TAS1R2: variants seen among roughly 807,000 people sequenced by gnomAD.
TAS1R2 encodes taste receptor type 1 member 2.
Under a neutral mutation model 49.3 loss-of-function variants are expected in TAS1R2, and 47 were observed. The observed-to-expected ratio is 0.95, with a 90% confidence interval of 0.75 to 1.22. The LOEUF is 1.22. Ranked by LOEUF, TAS1R2 falls within the 50% of genes most tolerant of loss-of-function variation. The probability of loss-of-function intolerance (pLI) is 0.00; values close to 1 mark genes in which losing one functional copy is unlikely to be tolerated. For missense variants in TAS1R2, 1,155 were observed against 1,122.1 expected (o/e 1.03, Z -0.42); for synonymous variants, 479 against 467.9 (o/e 1.02, Z -0.31).
intron 3 of TAS1R2, among the ~76,000 whole-genome samples, chr1:18,851,476 C>T (rs1262988459): frequency 1.3e-5 from 2 of 152,088 alleles, no homozygotes; most frequent in Non-Finnish European, 2.9e-5. Context: ...ATTACAGACG[C>T]CCTCCACTAT....
chr1:18,852,858 C>G (rs1486708164), intron 3 of TAS1R2, among the ~76,000 whole-genome samples: 3 of 152,254 alleles, frequency 2.0e-5, no homozygotes, highest in African/African-American at 7.2e-5. Flanking sequence ...TGACTTCTTG[C>G]TGCACTTGGC....
chr1:18,859,092 C>T (rs951946795), intron 1 of TAS1R2, among the ~76,000 whole-genome samples: 2 of 152,186 alleles, frequency 1.3e-5, no homozygotes, highest in African/African-American at 4.8e-5. Context: ...AGAAAAATCA[C>T]ATTCTGCCTC....
chr1:18,841,695 G>C (rs987119290), intron 5 of TAS1R2, 34 bp downstream of exon 5: 1 of 1,598,724 alleles, frequency 6.3e-7, no homozygotes, highest in South Asian at 1.1e-5. Flanking sequence ...GCAGGGCAGG[G>C]GCAGGGCAGG....
exon 1 of TAS1R2, chr1:18,859,518 A>G (rs986202757): frequency 2.5e-6 from 4 of 1,614,070 alleles, no homozygotes; most frequent in South Asian, 1.1e-5. Context: ...AAGGTGAACA[A>G]TGCCCTTCAT....
At chr1:18,850,367 C>T (rs1189292515) in intron 3 of TAS1R2, among the ~76,000 whole-genome samples, 1 of 152,248 alleles carries the variant, frequency 6.6e-6, no homozygotes, top group Non-Finnish European at 1.5e-5. Flanking sequence ...CTTTAGGGCT[C>T]ACCTGGCCTC....
At chr1:18,841,700 G>A (rs911078419) in intron 5 of TAS1R2, 29 bp downstream of exon 5, 2 of 1,603,366 alleles carry the variant, frequency 1.2e-6, no homozygotes, top group African/African-American at 2.7e-5. Context: ...GCAGGGGCAG[G>A]GCAGGAGTGC....
At chr1:18,857,770 C>T (rs1569682238) in intron 1 of TAS1R2, 139 bp from the exon 2 acceptor site, 1 of 899,804 alleles carries the variant, frequency 1.1e-6, no homozygotes. Context: ...AAGACTCGGG[C>T]ATTTTCACCA....
Position 18,840,615 on chromosome 1 carries a change from G to A in TAS1R2, c.1592-88C>T, listed in dbSNP as rs558734065. ...GCCCTGCACAGGGCCAGGCTCCAGGGATGAAGAGAGAGCACCAAGGGCAAC... is the reference window on the plus strand; with the variant it reads ...GCCCTGCACAGGGCCAGGCTCCAGGAATGAAGAGAGAGCACCAAGGGCAAC... On this transcript the variant is annotated intron_variant, in intron 5 of 5. Transcript: ENST00000375371. 7.8e-6 allele frequency: 11 copies of A among 1,412,238 alleles called. No individual in the cohort carries two copies. The South Asian group carries it at 1.2e-4, about 16-fold the overall frequency. 87.5% of individuals were successfully genotyped at this position (1,412,238 alleles called of 1,614,324 possible).
intron 2 of TAS1R2, 22 bp from the exon 3 acceptor site, chr1:18,855,008 C>G: frequency 6.3e-7 from 1 of 1,591,606 alleles, no homozygotes; most frequent in South Asian, 1.1e-5. Context: ...AGGGCTGTGG[C>G]ATGAGCGAGT....
At chr1:18,841,961 T>A in intron 4 of TAS1R2, 109 bp from the exon 5 acceptor site, 3 of 1,217,476 alleles carry the variant, frequency 2.5e-6, no homozygotes, top group Non-Finnish European at 2.2e-6. Context: ...AGAAGCCCCC[T>A]AGGTTTTGGG....
intron 4 of TAS1R2, among the ~76,000 whole-genome samples, chr1:18,843,685 G>A (rs1292988839): frequency 6.6e-6 from 1 of 152,194 alleles, no homozygotes; most frequent in Non-Finnish European, 1.5e-5. Context: ...ATAAGAATGG[G>A]CAAGCCCAAA....
intron 4 of TAS1R2, among the ~76,000 whole-genome samples, chr1:18,843,275 A>G (rs1356604596): frequency 6.6e-6 from 1 of 152,242 alleles, no homozygotes; most frequent in Non-Finnish European, 1.5e-5. Context: ...ATATCCAAGT[A>G]AGACCTATGA....
At position 18,854,276 on chromosome 1, in the gene TAS1R2, G is replaced by C. The variant is rs1378177676; in HGVS notation, c.1194C>G (p.Ala398=). ...TGTCACAGCCGAGGAGGCTGTGCAG[G>C]GCATGGGCCACAGCATAGACCGCAG... The change falls in exon 3 of 6, where the codon GCC becomes GCG. Residue 398 remains alanine (A), a synonymous_variant. Coordinates refer to ENST00000375371, the Ensembl canonical transcript of TAS1R2. The surrounding 1 kb of genome is among the most constrained non-coding windows in gnomAD (Gnocchi z 4.9). 5 of 1,614,084 alleles carry C rather than the reference G, an allele frequency of 3.1e-6. No individual in the cohort carries two copies. Among genetic ancestry groups the C allele is most frequent in the Non-Finnish European group, 4.2e-6 (5 of 1,180,046 alleles).
intron 4 of TAS1R2, among the ~76,000 whole-genome samples, chr1:18,848,253 C>A (rs1461581749): frequency 6.6e-6 from 1 of 152,144 alleles, no homozygotes; most frequent in African/African-American, 2.4e-5. Context: ...CTCTCGGTGC[C>A]TTCAGTTTCC....
chr1:18,843,709 C>T (rs1418124072), intron 4 of TAS1R2, among the ~76,000 whole-genome samples: 3 of 152,200 alleles, frequency 2.0e-5, no homozygotes, highest in Non-Finnish European at 4.4e-5. Flanking sequence ...AGAGATGCAA[C>T]AATGCCATGC....
chr1:18,855,865 G>T (rs1052612581), intron 2 of TAS1R2, among the ~76,000 whole-genome samples: 3 of 152,102 alleles, frequency 2.0e-5, no homozygotes, highest in Non-Finnish European at 4.4e-5. Flanking sequence ...GGTCACACTG[G>T]ATCCATCAGC....
intron 4 of TAS1R2, among the ~76,000 whole-genome samples, chr1:18,845,877 G>T (rs1213123180): frequency 2.6e-5 from 4 of 152,178 alleles, no homozygotes; most frequent in Non-Finnish European, 5.9e-5. Flanking sequence ...GCCAAATGCT[G>T]GCTGAGAGTG....
chr1:18,852,194 G>C (rs1934041351), intron 3 of TAS1R2, among the ~76,000 whole-genome samples: 1 of 151,494 alleles, frequency 6.6e-6, no homozygotes, highest in Non-Finnish European at 1.5e-5. Context: ...TCACAACTTG[G>C]GATACCTGTT....
chr1:18,855,657 G>A (rs754563652), intron 2 of TAS1R2, among the ~76,000 whole-genome samples: 27 of 152,228 alleles, frequency 1.8e-4, no homozygotes, highest in Admixed American at 4.6e-4. Context: ...CCCTGGCCGG[G>A]ACTTCTCTCC....
Sources: gnomAD v4.1 joint callset for allele counts (sites outside exome capture counted in the v4.1 genomes callset) on GRCh38, gnomAD v4.1.1 for gene constraint, Gnocchi (gnomAD v3.1) non-coding constraint, MANE v1.5 for transcripts, NCBI Gene and HGNC (gene_info 2026-07-23, HGNC 2026-07-21) for gene names.